Variants in EPM2A observed in about 807,000 individuals in gnomAD.
EPM2A encodes laforin.
Under a neutral mutation model 26.5 loss-of-function variants are expected in EPM2A, and 21 were observed. The observed-to-expected ratio is 0.79, with a 90% confidence interval of 0.56 to 1.14. The LOEUF (loss-of-function observed/expected upper bound fraction) is 1.14. EPM2A is among the 50% of genes most tolerant of loss of function. EPM2A has a pLI of 0.00. For synonymous variants in EPM2A, 217 were observed against 177.6 expected, an observed-to-expected ratio of 1.22 and a Z score of -1.76; for missense variants, 458 against 440.8, an observed-to-expected ratio of 1.04 and a Z score of -0.35.
At chr6:145,575,793 CT>C (rs1026203704) in intron 2 of EPM2A, among the ~76,000 whole-genome samples, 3 of 152,114 alleles carry the variant, frequency 2.0e-5, no homozygotes, top group Non-Finnish European at 2.9e-5. Flanking sequence ...ATTTTTGGGT[CT>C]AATCATATTA....
intron 3 of EPM2A, 143 bp downstream of exon 3, chr6:145,635,102 T>C: frequency 1.1e-6 from 1 of 886,184 alleles, no homozygotes; most frequent in Non-Finnish European, 1.7e-6. Context: ...TCAAAACATA[T>C]GTATTATATA....
At chr6:145,695,350 A>G (rs1457044298) in intron 1 of EPM2A, among the ~76,000 whole-genome samples, 1 of 152,060 alleles carries the variant, frequency 6.6e-6, no homozygotes, top group Non-Finnish European at 1.5e-5. Flanking sequence ...GAAGACAATC[A>G]AACCACAAAG....
At chr6:145,688,276 C>G (rs1562490804) in intron 1 of EPM2A, among the ~76,000 whole-genome samples, 1 of 152,026 alleles carries the variant, frequency 6.6e-6, no homozygotes. Flanking sequence ...CTATATTGGC[C>G]TAGGTAGTTT....
intron 3 of EPM2A, among the ~76,000 whole-genome samples, chr6:145,633,317 C>A (rs1776405813): frequency 6.6e-6 from 1 of 152,222 alleles, no homozygotes; most frequent in Non-Finnish European, 1.5e-5. Flanking sequence ...TCCTTCAAAT[C>A]CTAACTATCT....
At chr6:145,681,146 T>C (rs1276696305) in intron 2 of EPM2A, among the ~76,000 whole-genome samples, 1 of 152,104 alleles carries the variant, frequency 6.6e-6, no homozygotes, top group Admixed American at 6.5e-5. Context: ...TGGCCAGTGA[T>C]GATGAGCATT....
At chr6:145,536,908 A>G (rs1361739286) in intron 2 of EPM2A, among the ~76,000 whole-genome samples, 1 of 152,176 alleles carries the variant, frequency 6.6e-6, no homozygotes, top group African/African-American at 2.4e-5. Context: ...ATCGTGGAAA[A>G]AAGAGGAGGC....
At chr6:145,713,341 A>G (rs1231650907) in intron 1 of EPM2A, among the ~76,000 whole-genome samples, 1 of 152,200 alleles carries the variant, frequency 6.6e-6, no homozygotes, top group Non-Finnish European at 1.5e-5. Flanking sequence ...CCCTTTCAAC[A>G]CAGCAATGAA....
At chr6:145,455,443 C>A (rs527673254) in intron 4 of EPM2A, among the ~76,000 whole-genome samples, 1 of 152,060 alleles carries the variant, frequency 6.6e-6, no homozygotes, top group Non-Finnish European at 1.5e-5. Context: ...CTGCAATCTC[C>A]GCCTCCTGGG....
chr6:145,410,686 G>A (rs1415312959), intron 4 of EPM2A, among the ~76,000 whole-genome samples: 1 of 152,228 alleles, frequency 6.6e-6, no homozygotes, highest in Non-Finnish European at 1.5e-5. Flanking sequence ...CCTGGAGAAT[G>A]AGGGTGCTAA....
intron 2 of EPM2A, among the ~76,000 whole-genome samples, chr6:145,580,256 T>C (rs1290609380): frequency 6.6e-6 from 1 of 152,144 alleles, no homozygotes; most frequent in Non-Finnish European, 1.5e-5. Flanking sequence ...CAGATTTTCT[T>C]TTTTCTTTTA....
intron 1 of EPM2A, among the ~76,000 whole-genome samples, chr6:145,724,142 A>G (rs1273163932): frequency 2.6e-5 from 4 of 152,070 alleles, no homozygotes; most frequent in African/African-American, 9.7e-5. Flanking sequence ...TAAACCTTCA[A>G]GAGGAACCTT....
intron 4 of EPM2A, among the ~76,000 whole-genome samples, chr6:145,427,927 T>G (rs1249564130): frequency 6.6e-6 from 1 of 152,146 alleles, no homozygotes; most frequent in Non-Finnish European, 1.5e-5. Context: ...TACATCAGTA[T>G]TTAGTTTACC....
At chr6:145,441,874 A>T (rs1252562401) in intron 4 of EPM2A, among the ~76,000 whole-genome samples, 1 of 152,098 alleles carries the variant, frequency 6.6e-6, no homozygotes, top group East Asian at 1.9e-4. Flanking sequence ...AAACAACAAC[A>T]AAACAAAAAC....
chr6:145,684,169 T>G (rs1425010313), intron 2 of EPM2A, among the ~76,000 whole-genome samples: 3 of 151,626 alleles, frequency 2.0e-5, no homozygotes, highest in African/African-American at 4.8e-5. Flanking sequence ...AAGAAAAAAA[T>G]AATCGATAGT....
intron 2 of EPM2A, among the ~76,000 whole-genome samples, chr6:145,570,658 G>T (rs772074419): frequency 1.1e-4 from 16 of 152,188 alleles, no homozygotes; most frequent in Non-Finnish European, 2.1e-4. Context: ...CCTTCAGCAA[G>T]CACCTCAGCA....
At chr6:145,416,870 T>C (rs1341054174) in intron 4 of EPM2A, among the ~76,000 whole-genome samples, 2 of 152,152 alleles carry the variant, frequency 1.3e-5, no homozygotes, top group African/African-American at 4.8e-5. Flanking sequence ...TTTCTTAATT[T>C]TTTTTTTTTA....
At chr6:145,391,178 C>T (rs957345469) in intron 4 of EPM2A, among the ~76,000 whole-genome samples, 11 of 152,152 alleles carry the variant, frequency 7.2e-5, no homozygotes, top group African/African-American at 2.2e-4. Context: ...ATACCACTTT[C>T]TTGCTAACCA....
At chr6:145,424,073 A>G (rs1179495685) in intron 4 of EPM2A, among the ~76,000 whole-genome samples, 2 of 152,216 alleles carry the variant, frequency 1.3e-5, no homozygotes, top group African/African-American at 4.8e-5. Flanking sequence ...TACACCACCC[A>G]TGCTCTACAG....
At chr6:145,732,411 C>CAT (rs759887054) in intron 1 of EPM2A, among the ~76,000 whole-genome samples, 990 of 56,250 alleles carry the variant, frequency 0.018, 4 homozygotes, top group East Asian at 0.051. Flanking sequence ...CACACACACA[C>CAT]ATATATATAT....
Sources: gnomAD v4.1 joint callset for allele counts (sites outside exome capture counted in the v4.1 genomes callset) on GRCh38, gnomAD v4.1.1 for gene constraint, MANE v1.5 for transcripts, NCBI Gene and HGNC (gene_info 2026-07-23, HGNC 2026-07-21) for gene names.